The following MEF2C variants were observed in gnomAD, a reference collection of about 807,000 sequenced individuals.
MEF2C encodes the protein myocyte enhancer factor 2C.
In MEF2C, 6 loss-of-function variants were observed where a neutral mutation model predicts 50.5. The ratio of observed to expected loss-of-function variants is 0.12; its 90% CI spans 0.07 to 0.23. The LOEUF (loss-of-function observed/expected upper bound fraction) is 0.23. Ranked by LOEUF, MEF2C falls within the 10% of genes least tolerant of loss-of-function variation. The probability of loss-of-function intolerance (pLI) is 1.00; values close to 1 mark genes in which losing one functional copy is unlikely to be tolerated. For missense variants in MEF2C, 276 were observed against 605.0 expected (o/e 0.46, Z 5.70); for synonymous variants, 183 against 228.0 (o/e 0.80, Z 1.78).
rs187477804 is a variant in MEF2C, at chr5:88,812,324, T to C, written c.55-7523A>G. Among the ~76,000 whole-genome samples the C allele has an allele frequency of 6.6e-5, 10 of 152,326 alleles. No homozygotes were observed. The East Asian group carries it at 1.5e-3, about 24-fold the overall frequency. On this transcript the variant is annotated intron_variant, in intron 2 of 10. Transcript: ENST00000504921. ...AATAGATATATGGACAGAGGAATTA[T>C]AGTGTTTTTTGTAATCCAAAATGAA...
chr5:88,752,600 A>G, intron 4 of MEF2C: 1 of 984,126 alleles, frequency 1.0e-6, no homozygotes, highest in Non-Finnish European at 1.2e-6. Context: ...ACAAGATTCA[A>G]CAGAGCATGT....
intron 3 of MEF2C, among the ~76,000 whole-genome samples, chr5:88,773,987 G>A (rs1317112958): frequency 6.6e-6 from 1 of 152,200 alleles, no homozygotes; most frequent in Non-Finnish European, 1.5e-5. Context: ...CTGGTCAGGG[G>A]ACAGTTGCTG....
chr5:88,765,632 C>A (rs1779721468), intron 3 of MEF2C, among the ~76,000 whole-genome samples: 1 of 152,154 alleles, frequency 6.6e-6, no homozygotes. Flanking sequence ...CTGCTGTTGG[C>A]CTTTGAAAGC....
intron 2 of MEF2C, among the ~76,000 whole-genome samples, chr5:88,818,791 C>A (rs1333776147): frequency 6.6e-6 from 1 of 151,840 alleles, no homozygotes; most frequent in Non-Finnish European, 1.5e-5. Flanking sequence ...CTCCTCAATA[C>A]CCTTTTAAAA....
chr5:88,726,474 A>G (rs1466281997), intron 10 of MEF2C, among the ~76,000 whole-genome samples: 1 of 152,154 alleles, frequency 6.6e-6, no homozygotes, highest in African/African-American at 2.4e-5. Context: ...CCTCCTTTCA[A>G]AAAGCTACTC....
At chr5:88,727,539 C>A (rs1455652852) in intron 10 of MEF2C, among the ~76,000 whole-genome samples, 1 of 152,060 alleles carries the variant, frequency 6.6e-6, no homozygotes, top group African/African-American at 2.4e-5. Flanking sequence ...CTCACTGTCT[C>A]CTTAGACATA....
intron 8 of MEF2C, 98 bp downstream of exon 8, chr5:88,730,113 T>C (rs1760802433): frequency 1.6e-6 from 2 of 1,216,544 alleles, no homozygotes; most frequent in Admixed American, 2.1e-5. Flanking sequence ...TGACATACTG[T>C]GGTAACTTCC....
chr5:88,809,837 C>T (rs537445345), intron 2 of MEF2C, among the ~76,000 whole-genome samples: 1 of 152,290 alleles, frequency 6.6e-6, no homozygotes, highest in South Asian at 2.1e-4. Context: ...ATGCACCCAT[C>T]ACGCTGTAAG....
At chr5:88,860,477 T>G (rs913851304) in intron 1 of MEF2C, among the ~76,000 whole-genome samples, 1 of 152,160 alleles carries the variant, frequency 6.6e-6, no homozygotes, top group African/African-American at 2.4e-5. Flanking sequence ...AAATATTTTG[T>G]TTTTAGAAAT....
intron 3 of MEF2C, chr5:88,770,132 G>A (rs796065696): frequency 3.1e-5 from 13 of 419,154 alleles, no homozygotes; most frequent in African/African-American, 2.8e-4. Context: ...TAAGATCAGA[G>A]AACAGGTTTT....
chr5:88,889,438 C>T (rs1244842250), intron 1 of MEF2C: 1 of 152,910 alleles, frequency 6.5e-6, no homozygotes, highest in Admixed American at 6.6e-5. Flanking sequence ...GCGGGGGTTC[C>T]TTCCTTGGAG....
At chr5:88,898,020 T>C (rs532154636) in intron 1 of MEF2C, among the ~76,000 whole-genome samples, 38 of 152,276 alleles carry the variant, frequency 2.5e-4, no homozygotes, top group Middle Eastern at 3.4e-3. Context: ...ATAGCACTTA[T>C]TTGCATGCTA....
upstream of MEF2C, chr5:88,883,228 C>CGCGCGCGCGAGGGGA (rs1460415127): frequency 7.6e-6 from 1 of 132,250 alleles, no homozygotes. Context: ...TGCGTGTGTG[C>CGCGCGCGCGAGGGGA]GCGCGCGCGA....
intron 6 of MEF2C, among the ~76,000 whole-genome samples, chr5:88,747,324 TTTTTACTAC>T (rs1770233994): frequency 1.4e-5 from 1 of 71,546 alleles, no homozygotes. Context: ...ATTTTTTTTT[TTTTTACTAC>T]TTTTTTTTTT....
chr5:88,764,757 G>A (rs1189898837), intron 3 of MEF2C, among the ~76,000 whole-genome samples: 1 of 132,018 alleles, frequency 7.6e-6, no homozygotes, highest in Non-Finnish European at 1.5e-5. Flanking sequence ...GCAGTGAGCC[G>A]AGATCACACC....
At chr5:88,735,601 T>C in intron 6 of MEF2C, 2 of 977,200 alleles carry the variant, frequency 2.0e-6, no homozygotes, top group Non-Finnish European at 2.4e-6. Context: ...TGAGTTAACT[T>C]ACATAAAGGA....
intron 3 of MEF2C, among the ~76,000 whole-genome samples, chr5:88,779,601 T>TTGTGTGTG (rs58856249): frequency 6.1e-5 from 9 of 148,128 alleles, no homozygotes; most frequent in South Asian, 2.1e-4. Flanking sequence ...TTGTGTAGGT[T>TTGTGTGTG]TGTGTGTGTG....
chr5:88,754,152 A>C (rs1429132632), intron 4 of MEF2C, among the ~76,000 whole-genome samples: 3 of 152,220 alleles, frequency 2.0e-5, no homozygotes, highest in African/African-American at 7.2e-5. Flanking sequence ...GGGAGGCACC[A>C]GCAACAGCAC....
chr5:88,843,499 C>T, intron 1 of MEF2C: 1 of 983,552 alleles, frequency 1.0e-6, no homozygotes, highest in Non-Finnish European at 1.2e-6. Flanking sequence ...TACATTTAAA[C>T]TACATTTTTC....
Sources: gnomAD v4.1 joint callset for allele counts (sites outside exome capture counted in the v4.1 genomes callset) on GRCh38, gnomAD v4.1.1 for gene constraint, MANE v1.5 for transcripts, NCBI Gene and HGNC (gene_info 2026-07-23, HGNC 2026-07-21) for gene names.